Variants in ZNF729 observed in about 807,000 individuals in gnomAD.
ZNF729 encodes zinc finger protein 729.
Under a neutral mutation model 12.2 loss-of-function variants are expected in ZNF729, and 15 were observed. The ratio of observed to expected loss-of-function variants is 1.23; its 90% CI spans 0.82 to 1.89. ZNF729 has a LOEUF of 1.89. Among genes scored for constraint, ZNF729 ranks in the 40% most tolerant of loss-of-function variants. The pLI, the probability that ZNF729 is intolerant of heterozygous loss-of-function variation, is 0.00. For missense variants in ZNF729, 1,540 were observed against 1,456.7 expected (o/e 1.06, Z -0.93); for synonymous variants, 492 against 476.3 (o/e 1.03, Z -0.43).
In ZNF729 at chr19:22,314,448, G is replaced by A; in HGVS notation, c.1031G>A (p.Gly344Glu). 1 of 1,604,332 alleles carries A rather than the reference G, an allele frequency of 6.2e-7. No homozygotes were observed. Among genetic ancestry groups the A allele is most frequent in the Non-Finnish European group, 8.5e-7 (1 of 1,175,650 alleles). Residue 344 changes from glycine to glutamate, a missense_variant, in exon 4 of 4, where the codon GGA (glycine) becomes GAA (glutamate). Gly to Glu is a moderately conservative substitution (Grantham distance 98, BLOSUM62 -2). Transcript: ENST00000601693. ...ALRKHKIIHT[G>E]KKPYKREECG... The stretch of plus-strand genomic sequence containing the variant: ...AGAAAACATAAGATAATTCATACTG[G>A]AAAGAAACCCTACAAGCGTGAAGAA...
intron 3 of ZNF729, among the ~76,000 whole-genome samples, chr19:22,312,648 T>C (rs1410131179): frequency 6.6e-6 from 1 of 152,154 alleles, no homozygotes; most frequent in African/African-American, 2.4e-5. Context: ...CTTTATGTCA[T>C]CAGAGACAAA....
At chr19:22,312,186 T>C (rs1402777600) in intron 3 of ZNF729, among the ~76,000 whole-genome samples, 5 of 152,184 alleles carry the variant, frequency 3.3e-5, no homozygotes, top group Admixed American at 6.5e-5. Context: ...TTATTTGAAA[T>C]TTTAAAAATT....
chr19:22,289,848 A>C (rs1253298857), intron 1 of ZNF729, among the ~76,000 whole-genome samples: 1 of 152,078 alleles, frequency 6.6e-6, no homozygotes, highest in African/African-American at 2.4e-5. Flanking sequence ...ATGAGCTGAA[A>C]CTTTGTACCC....
Position 22,315,573 on chromosome 19 carries a change from A to C in ZNF729, c.2156A>C (p.Lys719Thr). The change falls in exon 4 of 4, where the codon AAA (lysine) becomes ACA (threonine). Residue 719 changes from lysine to threonine, a missense_variant. Lys to Thr is a moderately conservative substitution (Grantham distance 78). Transcript: ENST00000601693. ...EKPYKCEECG[K>T]AFKWSSKLTV... ...CCCTACAAATGTGAAGAATGTGGTAAAGCTTTTAAGTGGTCATCAAAACTT... is the reference window on the plus strand; with the variant it reads ...CCCTACAAATGTGAAGAATGTGGTACAGCTTTTAAGTGGTCATCAAAACTT... 6.2e-7 allele frequency: 1 copy of C among 1,609,986 alleles called. No individual in the cohort carries two copies.
At chr19:22,313,009 G>A (rs755183607) in intron 3 of ZNF729, among the ~76,000 whole-genome samples, 5 of 151,108 alleles carry the variant, frequency 3.3e-5, no homozygotes, top group Non-Finnish European at 7.4e-5. Context: ...CACTGCGCCT[G>A]GCCATGCCAC....
rs143692149 is a variant in ZNF729, at chr19:22,295,564, C to A, written c.31-8194C>A. ...TACAGGCGCGCACCACTACGCCCGG[C>A]TGATTTTTTGTATTTTTACTGGAGA... On this transcript the variant is annotated intron_variant, in intron 1 of 3. Coordinates refer to ENST00000601693, the MANE Select transcript of ZNF729 (RefSeq NM_001242680.2). Among the ~76,000 whole-genome samples, 1,078 of 152,128 alleles carry A rather than the reference C, an allele frequency of 7.1e-3. 56 individuals carry two copies. The highest frequency in any genetic ancestry group is 0.063 in the Admixed American group (957 of 15,272).
rs1968506378 is a variant in ZNF729 at position 22,314,876 on chromosome 19, C to T, written c.1459C>T (p.Pro487Ser). The T allele has an allele frequency of 2.5e-6, 4 of 1,613,008 alleles. No homozygotes were observed. The highest frequency in any genetic ancestry group is 2.7e-5 in the African/African-American group (2 of 74,698). The change falls in exon 4 of 4, where the codon CCC (proline) becomes TCC (serine). Residue 487 changes from proline to serine, a missense_variant. Pro to Ser is a moderately conservative substitution (Grantham distance 74). Transcript: ENST00000601693. ...RHKAIHTGEK[P>S]YKCEECGKAF... is the part of the protein sequence containing the mutation. ...TAAAGCAATTCATACTGGAGAGAAA[C>T]CCTACAAATGTGAAGAATGTGGCAA...
chr19:22,312,477 T>TGTGTGTGTGTGTGTGTGTGTG (rs1491132977), intron 3 of ZNF729, among the ~76,000 whole-genome samples: 2 of 147,264 alleles, frequency 1.4e-5, no homozygotes, highest in Admixed American at 1.4e-4. Flanking sequence ...TGTGTGTGTG[T>TGTGTGTGTGTGTGTGTGTGTG]TTAGATAAAG....
chr19:22,306,491 CTGTTT>C (rs1306860373), intron 3 of ZNF729, among the ~76,000 whole-genome samples: 1 of 146,844 alleles, frequency 6.8e-6, no homozygotes, highest in East Asian at 2.0e-4. Flanking sequence ...TTTCATTGTT[CTGTTT>C]TATGTTTTTT....
Position 22,315,092 on chromosome 19 carries a change from C to G in ZNF729, c.1675C>G (p.Leu559Val), listed in dbSNP as rs1403592470. 2 of 1,610,872 alleles carry G rather than the reference C, an allele frequency of 1.2e-6. No individual in the cohort carries two copies. Among genetic ancestry groups the G allele is most frequent in the Non-Finnish European group, 1.7e-6 (2 of 1,179,578 alleles). ...CGKAFKWSSKLTVHKVIHTGE... is the reference protein window; with the variant it reads ...CGKAFKWSSKVTVHKVIHTGE... Reference sequence around the variant, plus strand: ...TAAAGCTTTTAAGTGGTCATCAAAACTTACTGTACATAAGGTAATTCATAC... The same window carrying G: ...TAAAGCTTTTAAGTGGTCATCAAAAGTTACTGTACATAAGGTAATTCATAC... Residue 559 changes from leucine (L) to valine (V), a missense_variant, in exon 4 of 4, where the codon CTT (leucine) becomes GTT (valine). Coordinates refer to ENST00000601693, the MANE Select transcript of ZNF729 (RefSeq NM_001242680.2).
intron 3 of ZNF729, among the ~76,000 whole-genome samples, chr19:22,308,422 TTTTAG>T (rs1968411148): frequency 6.6e-6 from 1 of 152,188 alleles, no homozygotes. Context: ...GTAGTATGAC[TTTTAG>T]TTCTTTAGGA....
chr19:22,309,136 C>G (rs1166969280), intron 3 of ZNF729, among the ~76,000 whole-genome samples: 1 of 152,122 alleles, frequency 6.6e-6, no homozygotes, highest in East Asian at 1.9e-4. Context: ...CCAATTATCC[C>G]AGCACCATTT....
At chr19:22,305,204 A>C (rs917040257) in intron 3 of ZNF729, among the ~76,000 whole-genome samples, 1 of 152,132 alleles carries the variant, frequency 6.6e-6, no homozygotes, top group African/African-American at 2.4e-5. Flanking sequence ...CACTGTGATC[A>C]TAAGCTTCCT....
At chr19:22,306,498 A>G (rs1296137590) in intron 3 of ZNF729, among the ~76,000 whole-genome samples, 1 of 147,412 alleles carries the variant, frequency 6.8e-6, no homozygotes, top group Non-Finnish European at 1.5e-5. Flanking sequence ...GTTCTGTTTT[A>G]TGTTTTTTTT....
intron 1 of ZNF729, among the ~76,000 whole-genome samples, chr19:22,290,505 A>G (rs1355069667): frequency 2.0e-5 from 3 of 152,184 alleles, no homozygotes; most frequent in Non-Finnish European, 4.4e-5. Context: ...ATGGAAGAGC[A>G]AACAGTATTA....
chr19:22,309,094 T>C (rs543447732), intron 3 of ZNF729, among the ~76,000 whole-genome samples: 2 of 152,302 alleles, frequency 1.3e-5, no homozygotes, highest in South Asian at 4.1e-4. Flanking sequence ...AAGTAAAAGA[T>C]GAGGATCCAG....
rs1288963663 is a variant in ZNF729 at position 22,315,924 on chromosome 19, T to G, written c.2507T>G (p.Phe836Cys). Residue 836 changes from phenylalanine (F) to cysteine (C), a missense_variant, in exon 4 of 4, where the codon TTC becomes TGC. Transcript: ENST00000601693. Reference sequence around the variant, plus strand: ...GAATGTGGCAAAGCTTTTAAGCATTTCTCAGCCCTTAGAAAACATAAGGTA... The same window carrying G: ...GAATGTGGCAAAGCTTTTAAGCATTGCTCAGCCCTTAGAAAACATAAGGTA... ...CEECGKAFKH[F>C]SALRKHKVIH... is the part of the protein sequence containing the mutation. The G allele has an allele frequency of 5.6e-6, 9 of 1,609,184 alleles. No homozygotes were observed. In the South Asian group the frequency reaches 9.9e-5, roughly 18 times the overall value.
intron 1 of ZNF729, among the ~76,000 whole-genome samples, chr19:22,295,066 G>C (rs1328395424): frequency 6.6e-6 from 1 of 151,412 alleles, no homozygotes. Flanking sequence ...GTGTGTGTGT[G>C]TGTGTGTCAG....
intron 1 of ZNF729, among the ~76,000 whole-genome samples, chr19:22,288,356 A>G (rs1332734130): frequency 6.7e-6 from 1 of 149,292 alleles, no homozygotes; most frequent in East Asian, 2.0e-4. Context: ...TTTTATCAGA[A>G]TGTTTCGGGG....
Sources: gnomAD v4.1 joint callset for allele counts (sites outside exome capture counted in the v4.1 genomes callset) on GRCh38, gnomAD v4.1.1 for gene constraint, MANE v1.5 for transcripts, NCBI Gene and HGNC (gene_info 2026-07-23, HGNC 2026-07-21) for gene names.